PAWR: variants seen among roughly 807,000 people sequenced by gnomAD.
PAWR encodes the protein PRKC apoptosis WT1 regulator protein.
Under a neutral mutation model 32.0 loss-of-function variants are expected in PAWR, and 23 were observed. The observed-to-expected ratio is 0.72, with a 90% CI of 0.52 to 1.02. PAWR has a LOEUF of 1.02. PAWR is among the 50% of genes least tolerant of loss of function. The pLI is 0.00. For missense variants in PAWR, 457 were observed against 437.7 expected (o/e 1.04, Z -0.39); for synonymous variants, 226 against 187.1 (o/e 1.21, Z -1.70).
chr12:79,619,912 A>C (rs1377663558), intron 3 of PAWR, among the ~76,000 whole-genome samples: 2 of 152,234 alleles, frequency 1.3e-5, no homozygotes, highest in Non-Finnish European at 1.5e-5. Context: ...AAGATCAATA[A>C]GGAAATCCCC....
chr12:79,648,527 C>T (rs771266335), intron 2 of PAWR, among the ~76,000 whole-genome samples: 7 of 150,482 alleles, frequency 4.7e-5, no homozygotes, highest in South Asian at 2.1e-4. Context: ...AGGGACTGAG[C>T]GCAGTAATGC....
intron 4 of PAWR, among the ~76,000 whole-genome samples, chr12:79,612,960 C>A (rs1169465928): frequency 6.6e-6 from 1 of 152,154 alleles, no homozygotes; most frequent in African/African-American, 2.4e-5. Context: ...ATGTTGAAGC[C>A]ATAACCCTTA....
At position 79,672,691 on chromosome 12, in the gene PAWR, G is replaced by A. The variant is rs139697443; in HGVS notation, c.516+17038C>T. On this transcript the variant is annotated intron_variant, in intron 2 of 6. Coordinates refer to ENST00000328827, the MANE Select transcript of PAWR (RefSeq NM_002583.4). ...TTAGATCACATCCATACCCCTCAAC[G>A]AGAATCAGTTTTATTAACTTGAATG... Among the ~76,000 whole-genome samples the A allele has an allele frequency of 2.0e-5, 3 of 149,054 alleles. 1 individual carries two copies. The highest frequency in any genetic ancestry group is 2.0e-4 in the East Asian group (1 of 5,126).
chr12:79,596,492 A>G lies in PAWR; in HGVS notation c.831+19T>C. The stretch of plus-strand genomic sequence containing the variant: ...TGGTATATTAATTTTATCAATCTTA[A>G]ATAACTTATAATCCATACCTTTTCA... On this transcript the variant is annotated intron_variant, in intron 5 of 6. Transcript: ENST00000328827. The G allele has an allele frequency of 7.7e-7, 1 of 1,301,208 alleles. No homozygotes were observed. Among genetic ancestry groups the G allele is most frequent in the Non-Finnish European group, 1.1e-6 (1 of 934,154 alleles). 80.6% of individuals were successfully genotyped at this position (1,301,208 alleles called of 1,614,324 possible).
intron 2 of PAWR, among the ~76,000 whole-genome samples, chr12:79,651,133 C>T (rs1210540099): frequency 6.6e-6 from 1 of 152,066 alleles, no homozygotes; most frequent in African/African-American, 2.4e-5. Context: ...AGTAAATGGC[C>T]TTGAACAGAA....
At chr12:79,680,869 C>T (rs1388460090) in intron 2 of PAWR, among the ~76,000 whole-genome samples, 18 of 151,806 alleles carry the variant, frequency 1.2e-4, no homozygotes. Context: ...GTAATCCCAA[C>T]AACACTTTGA....
intron 2 of PAWR, among the ~76,000 whole-genome samples, chr12:79,626,013 A>T (rs1394400411): frequency 7.0e-6 from 1 of 143,358 alleles, no homozygotes; most frequent in Non-Finnish European, 1.5e-5. Context: ...AAATACAAAA[A>T]ACTAGCCAGG....
chr12:79,628,482 G>C (rs868602260), intron 2 of PAWR, among the ~76,000 whole-genome samples: 1 of 152,064 alleles, frequency 6.6e-6, no homozygotes, highest in Non-Finnish European at 1.5e-5. Flanking sequence ...GAAGGAAATA[G>C]AGACACAAAA....
chr12:79,690,037 T>G lies in PAWR; in HGVS notation c.208A>C (p.Asn70His). 2.2e-6 allele frequency: 3 copies of G among 1,345,364 alleles called. No individual in the cohort carries two copies. Among genetic ancestry groups the G allele is most frequent in the Non-Finnish European group, 2.8e-6 (3 of 1,057,636 alleles). 83.3% of individuals were successfully genotyped at this position (1,345,364 alleles called of 1,614,324 possible). Reference sequence around the variant, plus strand: ...GGCGCGCCGCCCGGGAGGTTGTTGTTGAGCTCGTTGGCAGCGGCGGCCGCC... The same window carrying G: ...GGCGCGCCGCCCGGGAGGTTGTTGTGGAGCTCGTTGGCAGCGGCGGCCGCC... The part of the protein sequence containing the change: ...TPAAAAANEL[N>H]NNLPGGAPAA... The change falls in exon 2 of 7, where the codon AAC (asparagine) becomes CAC (histidine). Residue 70 changes from asparagine to histidine, a missense_variant. By Grantham distance (68) the Asn-to-His change is moderately conservative (BLOSUM62 1). Coordinates refer to ENST00000328827, the MANE Select transcript of PAWR (RefSeq NM_002583.4).
chr12:79,641,705 G>C (rs1876329365), intron 2 of PAWR, among the ~76,000 whole-genome samples: 1 of 151,814 alleles, frequency 6.6e-6, no homozygotes, highest in African/African-American at 2.4e-5. Flanking sequence ...AACTTAGCTG[G>C]GCGTAGTGGC....
chr12:79,647,759 A>G (rs10862006), intron 2 of PAWR, among the ~76,000 whole-genome samples: 24,411 of 152,162 alleles, frequency 0.16, 5,996 homozygotes, highest in African/African-American at 0.53. Context: ...TGAACATGAA[A>G]AAAAGTATAA....
At chr12:79,634,746 G>C (rs987756081) in intron 2 of PAWR, among the ~76,000 whole-genome samples, 2 of 151,746 alleles carry the variant, frequency 1.3e-5, no homozygotes, top group Non-Finnish European at 2.9e-5. Flanking sequence ...TCACTTTGTA[G>C]AACACAGAAT....
At chr12:79,654,876 A>G (rs917071320) in intron 2 of PAWR, among the ~76,000 whole-genome samples, 2 of 152,162 alleles carry the variant, frequency 1.3e-5, no homozygotes, top group Non-Finnish European at 2.9e-5. Context: ...TCGAAATGAG[A>G]TTTGGGTGGG....
chr12:79,655,046 T>C (rs1302678821), intron 2 of PAWR, among the ~76,000 whole-genome samples: 2 of 152,232 alleles, frequency 1.3e-5, no homozygotes, highest in African/African-American at 2.4e-5. Flanking sequence ...ATTGCTGTGG[T>C]ACTCTATAGG....
chr12:79,608,487 G>A (rs1874295737), intron 4 of PAWR, among the ~76,000 whole-genome samples: 1 of 152,158 alleles, frequency 6.6e-6, no homozygotes, highest in African/African-American at 2.4e-5. Flanking sequence ...AGGCAGTAAT[G>A]CTCACTGACT....
At chr12:79,657,807 G>T (rs1273308843) in intron 2 of PAWR, among the ~76,000 whole-genome samples, 1 of 151,232 alleles carries the variant, frequency 6.6e-6, no homozygotes, top group African/African-American at 2.4e-5. Flanking sequence ...AAAAAAAAAA[G>T]ATTCTCAAGG....
intron 2 of PAWR, among the ~76,000 whole-genome samples, chr12:79,638,891 T>C (rs1377112362): frequency 5.7e-5 from 1 of 17,672 alleles, no homozygotes; most frequent in Admixed American, 5.5e-4. Flanking sequence ...TATATATATA[T>C]ATATATTTTT....
At chr12:79,655,240 C>A (rs1009500836) in intron 2 of PAWR, among the ~76,000 whole-genome samples, 1 of 152,196 alleles carries the variant, frequency 6.6e-6, no homozygotes, top group East Asian at 1.9e-4. Flanking sequence ...ACATTAAAGT[C>A]TGAGGAGTAC....
intron 4 of PAWR, among the ~76,000 whole-genome samples, chr12:79,605,529 TAAAA>T (rs376227942): frequency 1.3e-5 from 2 of 149,972 alleles, no homozygotes; most frequent in Admixed American, 6.7e-5. Flanking sequence ...CTTTTTTTTT[TAAAA>T]AAAAAGCCTT....
Sources: gnomAD v4.1 joint callset for allele counts (sites outside exome capture counted in the v4.1 genomes callset) on GRCh38, gnomAD v4.1.1 for gene constraint, MANE v1.5 for transcripts, NCBI Gene and HGNC (gene_info 2026-07-23, HGNC 2026-07-21) for gene names.